Variants in PAK4 observed in about 807,000 individuals in gnomAD.
PAK4 encodes the protein serine/threonine-protein kinase PAK 4.
A neutral mutation model predicts 53.5 loss-of-function variants in PAK4; 49 were observed. That is an observed-to-expected ratio of 0.92 (90% CI 0.73 to 1.16). PAK4 has a LOEUF of 1.16. Ranked by LOEUF, PAK4 falls within the 50% of genes most tolerant of loss-of-function variation. The probability of loss-of-function intolerance (pLI) is 0.00; values close to 1 mark genes in which losing one functional copy is unlikely to be tolerated. For synonymous variants in PAK4, 376 were observed against 375.6 expected (o/e 1.00, Z -0.01); for missense variants, 824 against 850.7 (o/e 0.97, Z 0.39).
chr19:39,132,648 A>C (rs1397467435), intron 1 of PAK4, among the ~76,000 whole-genome samples: 1 of 152,190 alleles, frequency 6.6e-6, no homozygotes, highest in East Asian at 1.9e-4. Context: ...GGCTGTGCAT[A>C]TGTCTCTAGG....
chr19:39,163,480 T>C (rs1456258915), intron 1 of PAK4, among the ~76,000 whole-genome samples: 2 of 151,868 alleles, frequency 1.3e-5, no homozygotes, highest in East Asian at 3.9e-4. Context: ...GCTTTTCCAT[T>C]TGGGCCAGTT....
chr19:39,181,802 A>T (rs2074702973), downstream of PAK4: 1 of 152,352 alleles, frequency 6.6e-6, no homozygotes, highest in East Asian at 1.9e-4. Flanking sequence ...GGAGGTGAGG[A>T]GGGGCCCGGA....
rs1260337924 is a variant in PAK4 at position 39,161,587 on chromosome 19, C to A, written c.-22-7945C>A. On this transcript the variant is annotated intron_variant, in intron 1 of 8. Coordinates refer to ENST00000358301, the Ensembl canonical transcript of PAK4. This position sits in a 1 kb window ranked among gnomAD's most constrained non-coding sequence, Gnocchi z 4.5. The stretch of plus-strand genomic sequence containing the variant: ...TCCGTTCTGCCCCCACAGACTGTTC[C>A]CAGCCAGTGGGAGCCTGTGAACTCC... Among the ~76,000 whole-genome samples, 2 of 152,004 alleles carry A rather than the reference C, an allele frequency of 1.3e-5. No individual in the cohort carries two copies. The highest frequency in any genetic ancestry group is 2.9e-5 in the Non-Finnish European group (2 of 67,980).
intron 1 of PAK4, among the ~76,000 whole-genome samples, chr19:39,137,234 C>T (rs564256632): frequency 2.6e-5 from 4 of 152,236 alleles, no homozygotes; most frequent in South Asian, 2.1e-4. Context: ...TAAACAGACC[C>T]GGTTGCCGCC....
At chr19:39,167,895 C>G (rs1266256056) in intron 1 of PAK4, 2 of 152,454 alleles carry the variant, frequency 1.3e-5, no homozygotes, top group East Asian at 3.9e-4. Context: ...ACGCGCTGTG[C>G]CAGGCGCGGG....
chr19:39,133,399 C>A (rs2073750398), intron 1 of PAK4, among the ~76,000 whole-genome samples: 1 of 152,188 alleles, frequency 6.6e-6, no homozygotes, highest in South Asian at 2.1e-4. Context: ...AACTAACCTA[C>A]TGGACCCTCC....
chr19:39,140,112 C>G (rs2073885904), intron 1 of PAK4, among the ~76,000 whole-genome samples: 2 of 152,118 alleles, frequency 1.3e-5, no homozygotes, highest in South Asian at 4.1e-4. Flanking sequence ...TCTGTCTGGG[C>G]CTTCTCTGTT....
intron 1 of PAK4, among the ~76,000 whole-genome samples, chr19:39,133,358 A>G (rs2073749557): frequency 6.6e-6 from 1 of 152,240 alleles, no homozygotes; most frequent in Admixed American, 6.5e-5. Context: ...TGTTATTAAT[A>G]TGAGCAGGCA....
At chr19:39,145,037 C>T (rs963551394) in intron 1 of PAK4, among the ~76,000 whole-genome samples, 87 of 152,280 alleles carry the variant, frequency 5.7e-4, no homozygotes, top group African/African-American at 2.0e-3. Flanking sequence ...CACCAGCTCC[C>T]TGAAAGCCCT....
intron 1 of PAK4, among the ~76,000 whole-genome samples, chr19:39,158,087 T>C (rs1436432212): frequency 1.3e-5 from 2 of 149,166 alleles, no homozygotes; most frequent in Non-Finnish European, 3.0e-5. Context: ...TGTGTGTGTG[T>C]GCATGTGTGT....
intron 1 of PAK4, among the ~76,000 whole-genome samples, chr19:39,163,071 C>T (rs903120907): frequency 1.3e-5 from 2 of 152,052 alleles, no homozygotes; most frequent in Admixed American, 6.5e-5. Flanking sequence ...TGTGCCGGGA[C>T]GGGAAGCCAA....
chr19:39,146,185 C>T (rs1012711906), intron 1 of PAK4, among the ~76,000 whole-genome samples: 4 of 148,824 alleles, frequency 2.7e-5, no homozygotes, highest in Non-Finnish European at 4.5e-5. Context: ...GTCCTGCCTT[C>T]ATGGAGCTTA....
At chr19:39,132,088 T>A (rs2073723293) in intron 1 of PAK4, among the ~76,000 whole-genome samples, 1 of 151,740 alleles carries the variant, frequency 6.6e-6, no homozygotes, top group Admixed American at 6.6e-5. Flanking sequence ...CCGCCCGGGG[T>A]CCCAGCTCCA....
chr19:39,170,068 C>T (rs1364614596), intron 2 of PAK4, among the ~76,000 whole-genome samples: 3 of 152,132 alleles, frequency 2.0e-5, no homozygotes, highest in Admixed American at 6.5e-5. Context: ...TGCTGTACCC[C>T]GGACCACACT....
At chr19:39,126,161 G>A (rs2073572691) in intron 1 of PAK4, among the ~76,000 whole-genome samples, 2 of 152,078 alleles carry the variant, frequency 1.3e-5, no homozygotes, top group South Asian at 2.1e-4. Flanking sequence ...GTGGGGGCGC[G>A]TTCGAGGGGT....
At chr19:39,138,468 C>T (rs971984409) in intron 1 of PAK4, among the ~76,000 whole-genome samples, 6 of 152,244 alleles carry the variant, frequency 3.9e-5, no homozygotes, top group African/African-American at 1.4e-4. Flanking sequence ...AATCCATGAA[C>T]GTGGTATGTC....
intron 1 of PAK4, chr19:39,168,818 C>G (rs1197759118): frequency 6.6e-6 from 1 of 152,292 alleles, no homozygotes; most frequent in Non-Finnish European, 1.5e-5. Flanking sequence ...ATCAGTAACC[C>G]TGTGCTGAGT....
intron 1 of PAK4, among the ~76,000 whole-genome samples, chr19:39,130,385 G>A (rs1416932387): frequency 6.6e-6 from 1 of 152,002 alleles, no homozygotes; most frequent in African/African-American, 2.4e-5. Context: ...CGCAGGGACC[G>A]TAGGAAGCCC....
exon 2 of PAK4, chr19:39,169,592 G>A (rs778071905): frequency 7.4e-6 from 12 of 1,613,804 alleles, no homozygotes; most frequent in East Asian, 2.2e-5. Context: ...AGATCTCCGC[G>A]CCGTCCAACT....
Sources: allele counts gnomAD v4.1 joint callset (sites outside exome capture counted in the v4.1 genomes callset), GRCh38; gene constraint gnomAD v4.1.1; non-coding constraint Gnocchi (gnomAD v3.1); transcripts MANE v1.5; gene names NCBI Gene and HGNC (gene_info 2026-07-23, HGNC 2026-07-21).